Variants in MYOCD observed in about 807,000 individuals in gnomAD.
MYOCD encodes the protein myocardin.
In MYOCD, 32 loss-of-function variants were observed where a neutral mutation model predicts 96.1. The ratio of observed to expected loss-of-function variants is 0.33; its 90% confidence interval spans 0.25 to 0.45. The LOEUF (loss-of-function observed/expected upper bound fraction) is 0.45, where lower values mean the gene tolerates loss of function less well. Ranked by LOEUF, MYOCD falls within the 20% of genes least tolerant of loss-of-function variation. The probability of loss-of-function intolerance (pLI) is 1.00; values close to 1 mark genes in which losing one functional copy is unlikely to be tolerated. For missense variants in MYOCD, 1,133 were observed against 1,200.6 expected, an observed-to-expected ratio of 0.94 and a Z score of 0.83; for synonymous variants, 469 against 469.0, an observed-to-expected ratio of 1.00 and a Z score of 0.00.
rs71144918 is a variant in MYOCD, at chr17:12,697,359, ATTTTT to A, written c.56-7752_56-7748del. ...AGTATATATATATATATATATATAT[ATTTTT>A]TTTTTTTTTTTTTTTTGAGACGGGG... On this transcript the variant is annotated intron_variant, in intron 1 of 13. Coordinates refer to ENST00000425538, the MANE Select transcript of MYOCD (RefSeq NM_001146312.3). Among the ~76,000 whole-genome samples, 424 of 75,684 alleles carry A rather than the reference ATTTTT, an allele frequency of 5.6e-3. 3 individuals are homozygous for A. The highest frequency in any genetic ancestry group is 0.029 in the East Asian group (76 of 2,600). The allele number at this position is 75,684 out of a possible 152,430, so 49.7% of individuals were successfully genotyped here. A position where few individuals can be genotyped will look rare whatever the true frequency, so the allele number is the denominator to read the frequency against.
rs774329233 is a variant in MYOCD at position 12,758,104 on chromosome 17, C to A, written c.2222C>A (p.Ser741Tyr). The change falls in exon 12 of 14, where the codon TCT becomes TAT. Residue 741 changes from serine to tyrosine, a missense_variant. Transcript: ENST00000425538. Reference sequence around the variant, plus strand: ...ATGCAGATGGCTGGTTTACACTCTTCTGATAAGGTGGGGCCAAAGTTTTCA... The same window carrying A: ...ATGCAGATGGCTGGTTTACACTCTTATGATAAGGTGGGGCCAAAGTTTTCA... ...VQQKMAGLHS[S>Y]DKVGPKFSIP... 10 of 1,613,838 alleles carry A rather than the reference C, an allele frequency of 6.2e-6. No individual in the cohort carries two copies. Among genetic ancestry groups the A allele is most frequent in the Non-Finnish European group, 8.5e-6 (10 of 1,179,862 alleles).
intron 1 of MYOCD, among the ~76,000 whole-genome samples, chr17:12,680,237 T>C (rs532515310): frequency 1.3e-5 from 2 of 152,334 alleles, no homozygotes; most frequent in African/African-American, 4.8e-5. Context: ...TTTATTCAGC[T>C]ACTTAGTGGA....
chr17:12,724,324 G>A (rs1482370708), intron 5 of MYOCD, among the ~76,000 whole-genome samples: 3 of 151,958 alleles, frequency 2.0e-5, no homozygotes, highest in Admixed American at 2.0e-4. Context: ...GCATTCTTTG[G>A]TTTCTAGTAG....
intron 1 of MYOCD, among the ~76,000 whole-genome samples, chr17:12,679,443 A>C (rs1910316307): frequency 6.6e-6 from 1 of 152,214 alleles, no homozygotes; most frequent in African/African-American, 2.4e-5. Flanking sequence ...AATGTCCCAG[A>C]GACAGAAAGT....
At chr17:12,679,410 T>C (rs1448827722) in intron 1 of MYOCD, among the ~76,000 whole-genome samples, 1 of 152,146 alleles carries the variant, frequency 6.6e-6, no homozygotes, top group Non-Finnish European at 1.5e-5. Flanking sequence ...TCTTAACACA[T>C]AGATTAGAGC....
At chr17:12,688,189 C>A (rs1288082043) in intron 1 of MYOCD, among the ~76,000 whole-genome samples, 1 of 152,222 alleles carries the variant, frequency 6.6e-6, no homozygotes, top group Non-Finnish European at 1.5e-5. Flanking sequence ...CTGTTCTCCA[C>A]CTTGATTGTC....
Position 12,758,180 on chromosome 17 carries a change from A to G in MYOCD, c.2298A>G (p.Thr766=), listed in dbSNP as rs1273511033. Residue 766 remains threonine, a synonymous_variant, in exon 12 of 14, where the codon ACA becomes ACG. Coordinates refer to ENST00000425538, the MANE Select transcript of MYOCD (RefSeq NM_001146312.3). ...SKSSSAISEV[T]QPPSYEDAVK... ...CAAGTTCAGCAATTTCAGAGGTAAC[A>G]CAGCCTCCATCCTATGAAGATGCCG... The G allele has an allele frequency of 6.2e-7, 1 of 1,614,064 alleles. No individual in the cohort carries two copies. Among genetic ancestry groups the G allele is most frequent in the Non-Finnish European group, 8.5e-7 (1 of 1,180,018 alleles).
chr17:12,681,118 C>A lies in MYOCD; in HGVS notation c.55+14875C>A, dbSNP rs544724190. Reference sequence around the variant, plus strand: ...AAAAGCTGGGACTTGATCTCATGCACCTTTGGATTCTAAGTCCATGCTTGT... The same window carrying A: ...AAAAGCTGGGACTTGATCTCATGCAACTTTGGATTCTAAGTCCATGCTTGT... On this transcript the variant is annotated intron_variant, in intron 1 of 13. Coordinates refer to ENST00000425538, the MANE Select transcript of MYOCD (RefSeq NM_001146312.3). Among the ~76,000 whole-genome samples, 219 of 152,316 alleles carry A rather than the reference C, an allele frequency of 1.4e-3. 1 individual carries two copies. Among genetic ancestry groups the A allele is most frequent in the South Asian group, 3.5e-3 (17 of 4,826 alleles).
chr17:12,692,355 A>G (rs1337612476), intron 1 of MYOCD, among the ~76,000 whole-genome samples: 1 of 152,242 alleles, frequency 6.6e-6, no homozygotes, highest in African/African-American at 2.4e-5. Flanking sequence ...GATACAATGC[A>G]TAAAGGTCTT....
At chr17:12,708,179 A>T (rs766146817) in intron 2 of MYOCD, among the ~76,000 whole-genome samples, 2 of 152,154 alleles carry the variant, frequency 1.3e-5, no homozygotes, top group Non-Finnish European at 1.5e-5. Context: ...GAGGCCTAAG[A>T]GGTTTTTCAG....
At position 12,714,854 on chromosome 17, in the gene MYOCD, T is replaced by C. The variant is rs1320568543; in HGVS notation, c.122-665T>C. On this transcript the variant is annotated intron_variant, in intron 2 of 13. Coordinates refer to ENST00000425538, the MANE Select transcript of MYOCD (RefSeq NM_001146312.3). ...CACATCTTGAAAGAGGTTAGAGTTG[T>C]CACAGGACCTATGCTCCTAGCCCTA... Among the ~76,000 whole-genome samples the C allele has an allele frequency of 2.0e-5, 3 of 152,132 alleles. No homozygotes were observed. The East Asian group carries it at 5.8e-4, about 29-fold the overall frequency.
intron 13 of MYOCD, chr17:12,762,416 G>A (rs2033201945): frequency 6.6e-6 from 1 of 152,372 alleles, no homozygotes; most frequent in East Asian, 1.9e-4. Context: ...TTGAAAGTGA[G>A]CTTTCAGAGG....
chr17:12,759,711 C>T (rs1371075474), intron 12 of MYOCD, among the ~76,000 whole-genome samples: 1 of 152,200 alleles, frequency 6.6e-6, no homozygotes, highest in Non-Finnish European at 1.5e-5. Context: ...GCATACCCTA[C>T]TGGTGTCTAC....
chr17:12,745,888 T>C (rs1004823934), intron 8 of MYOCD, 31 bp from the exon 9 acceptor site: 8 of 1,611,726 alleles, frequency 5.0e-6, no homozygotes, highest in Non-Finnish European at 5.9e-6. Flanking sequence ...TATTTGATTG[T>C]ACTTGAAATG....
chr17:12,719,888 A>AT (rs34590879), intron 4 of MYOCD, among the ~76,000 whole-genome samples: 6 of 149,836 alleles, frequency 4.0e-5, no homozygotes, highest in Non-Finnish European at 5.9e-5. Context: ...AAAAAAAAAA[A>AT]TTTTAGGCAG....
chr17:12,694,881 C>CAAAAAAAAAAAA (rs201215491), intron 1 of MYOCD, among the ~76,000 whole-genome samples: 1 of 69,628 alleles, frequency 1.4e-5, no homozygotes, highest in East Asian at 4.4e-4. Context: ...AAGGAATAAC[C>CAAAAAAAAAAAA]AAAAAAAAAA....
chr17:12,728,014 G>C (rs2030059654), intron 5 of MYOCD, among the ~76,000 whole-genome samples: 1 of 152,206 alleles, frequency 6.6e-6, no homozygotes, highest in Admixed American at 6.5e-5. Flanking sequence ...GGCTGTATCT[G>C]AGAGCATGCA....
intron 9 of MYOCD, among the ~76,000 whole-genome samples, chr17:12,750,979 C>T (rs767914571): frequency 6.6e-6 from 1 of 152,118 alleles, no homozygotes; most frequent in Admixed American, 6.5e-5. Context: ...TGTCACAATT[C>T]ATTTTTCCCA....
intron 9 of MYOCD, among the ~76,000 whole-genome samples, chr17:12,748,580 G>A (rs9904907): frequency 0.55 from 83,129 of 152,016 alleles, 23,128 homozygotes; most frequent in East Asian, 0.66. Flanking sequence ...TAGGGAAGAG[G>A]TGTATATAAA....
Sources: allele counts gnomAD v4.1 joint callset (sites outside exome capture counted in the v4.1 genomes callset), GRCh38; gene constraint gnomAD v4.1.1; transcripts MANE v1.5; gene names NCBI Gene and HGNC (gene_info 2026-07-23, HGNC 2026-07-21).